NRP1: variants seen among roughly 807,000 people sequenced by gnomAD.
NRP1 encodes the protein neuropilin 1.
In NRP1, 35 loss-of-function variants were observed where a neutral mutation model predicts 106.7. That is an observed-to-expected ratio of 0.33 (90% CI 0.25 to 0.43). The LOEUF (loss-of-function observed/expected upper bound fraction) is 0.43. Ranked by LOEUF, NRP1 falls within the 20% of genes least tolerant of loss-of-function variation. The pLI, the probability that NRP1 is intolerant of heterozygous loss-of-function variation, is 1.00. For synonymous variants in NRP1, 437 were observed against 417.9 expected (o/e 1.05, Z -0.56); for missense variants, 1,024 against 1,170.4 (o/e 0.87, Z 1.83).
At chr10:33,185,815 TAAATTA>T in intron 14 of NRP1, 91 bp from the exon 15 acceptor site, 1 of 1,108,792 alleles carries the variant, frequency 9.0e-7, no homozygotes, top group East Asian at 2.5e-5. Flanking sequence ...CTACGGCACA[TAAATTA>T]AATTCATCAG....
chr10:33,284,079 T>C (rs773863935), intron 2 of NRP1, among the ~76,000 whole-genome samples: 2 of 152,080 alleles, frequency 1.3e-5, no homozygotes, highest in Admixed American at 6.5e-5. Flanking sequence ...CTTAACACAA[T>C]AGAAGCTAGA....
chr10:33,256,682 C>A (rs1228765484), intron 4 of NRP1, among the ~76,000 whole-genome samples: 1 of 152,198 alleles, frequency 6.6e-6, no homozygotes, highest in Non-Finnish European at 1.5e-5. Flanking sequence ...CAGTAACAGG[C>A]ATAACCGCAT....
At position 33,330,877 on chromosome 10, in the gene NRP1, A is replaced by G; in HGVS notation, c.79T>C (p.Cys27Arg). Residue 27 changes from cysteine to arginine, a missense_variant, in exon 2 of 17, where the codon TGT becomes CGT. Cys to Arg is a radical substitution (Grantham distance 180). Transcript: ENST00000374867. ...APAGAFRNDKCGDTIKIESPG... is the reference protein window; with the variant it reads ...APAGAFRNDKRGDTIKIESPG... Reference sequence around the variant, plus strand: ...CTTTCAATTTTTATAGTATCGCCACATTTATCTGCAATGAAAGTAAGATTT... The same window carrying G: ...CTTTCAATTTTTATAGTATCGCCACGTTTATCTGCAATGAAAGTAAGATTT... 6.3e-7 allele frequency: 1 copy of G among 1,599,150 alleles called. No individual in the cohort carries two copies. Among genetic ancestry groups the G allele is most frequent in the South Asian group, 1.1e-5 (1 of 89,574 alleles).
At chr10:33,241,186 G>A (rs1288687799) in intron 6 of NRP1, among the ~76,000 whole-genome samples, 3 of 152,162 alleles carry the variant, frequency 2.0e-5, no homozygotes, top group Non-Finnish European at 4.4e-5. Flanking sequence ...AAATGAAAAT[G>A]AGGAAGGAAA....
At chr10:33,235,033 G>A (rs1030431275) in intron 6 of NRP1, among the ~76,000 whole-genome samples, 3 of 152,224 alleles carry the variant, frequency 2.0e-5, no homozygotes, top group Non-Finnish European at 2.9e-5. Context: ...CAGATGAAAG[G>A]AGATAGTGCT....
chr10:33,249,131 G>A (rs149238511), intron 6 of NRP1, among the ~76,000 whole-genome samples: 1 of 115,668 alleles, frequency 8.6e-6, no homozygotes, highest in Non-Finnish European at 1.7e-5. Flanking sequence ...TTTAATCAGA[G>A]AAAAGTCACA....
rs7071689 is a variant in NRP1 at position 33,206,045 on chromosome 10, T to A, written c.1759+1527A>T. ...CTTGGAGGTTAGAAGCAAGATGGAG[T>A]CAGTTAGGTCAGATCTCTTTCACTG... On this transcript the variant is annotated intron_variant, in intron 10 of 16. Coordinates refer to ENST00000374867, the MANE Select transcript of NRP1 (RefSeq NM_003873.7). The A allele has an allele frequency of 9.1e-3, 3,153 of 345,472 alleles. 85 individuals carry two copies. The highest frequency in any genetic ancestry group is 0.063 in the African/African-American group (2,943 of 46,850). 21.4% of individuals were successfully genotyped at this position (345,472 alleles called of 1,614,324 possible). A position where few individuals can be genotyped will look rare whatever the true frequency, so the allele number is the denominator to read the frequency against.
intron 6 of NRP1, among the ~76,000 whole-genome samples, chr10:33,250,835 G>C (rs529363316): frequency 1.3e-5 from 2 of 152,156 alleles, no homozygotes; most frequent in African/African-American, 2.4e-5. Flanking sequence ...GATTAGTGTC[G>C]TATGAGTAGG....
At position 33,266,706 on chromosome 10, in the gene NRP1, G is replaced by T. The variant is rs186787662; in HGVS notation, c.431-2833C>A. On this transcript the variant is annotated intron_variant, in intron 3 of 16. Coordinates refer to ENST00000374867, the MANE Select transcript of NRP1 (RefSeq NM_003873.7). ...TGTAATCCCCAATGGTGGAGGTGGG[G>T]TCTGGTGGGAGGTGATTGAATCATG... Among the ~76,000 whole-genome samples the T allele has an allele frequency of 3.1e-3, 466 of 152,316 alleles. 2 individuals carry two copies. The highest frequency in any genetic ancestry group is 0.011 in the African/African-American group (437 of 41,562).
intron 2 of NRP1, among the ~76,000 whole-genome samples, chr10:33,315,097 G>C (rs1049268470): frequency 1.3e-5 from 2 of 152,208 alleles, no homozygotes; most frequent in Non-Finnish European, 2.9e-5. Context: ...CAATCAGGAC[G>C]TATGCCTACA....
intron 6 of NRP1, among the ~76,000 whole-genome samples, chr10:33,227,225 A>C (rs1024032444): frequency 3.9e-5 from 6 of 152,230 alleles, no homozygotes; most frequent in Non-Finnish European, 8.8e-5. Flanking sequence ...GCAAAGACAG[A>C]ATCAAGACAA....
chr10:33,187,256 T>C (rs938451417), intron 13 of NRP1, among the ~76,000 whole-genome samples: 2 of 152,234 alleles, frequency 1.3e-5, no homozygotes, highest in African/African-American at 4.8e-5. Context: ...CATTGAGATG[T>C]ATTTTTATTT....
intron 2 of NRP1, among the ~76,000 whole-genome samples, chr10:33,282,257 G>T (rs1258961089): frequency 6.6e-6 from 1 of 152,008 alleles, no homozygotes; most frequent in Admixed American, 6.5e-5. Context: ...CCCCTTAATT[G>T]GTATGGTGGA....
At chr10:33,273,575 C>G (rs1843466110) in intron 2 of NRP1, among the ~76,000 whole-genome samples, 1 of 152,194 alleles carries the variant, frequency 6.6e-6, no homozygotes, top group Non-Finnish European at 1.5e-5. Flanking sequence ...TGCTCTGTTA[C>G]TGTTGCCAGT....
chr10:33,323,579 G>A (rs1241032072), intron 2 of NRP1, among the ~76,000 whole-genome samples: 3 of 151,972 alleles, frequency 2.0e-5, no homozygotes, highest in African/African-American at 4.8e-5. Flanking sequence ...CCAGATACAG[G>A]CCAATCAACC....
chr10:33,238,228 T>A (rs1384687381), intron 6 of NRP1, among the ~76,000 whole-genome samples: 1 of 152,240 alleles, frequency 6.6e-6, no homozygotes, highest in Non-Finnish European at 1.5e-5. Flanking sequence ...GCAGCTCCTA[T>A]CCTCTGTGGA....
At chr10:33,212,442 G>A (rs1016979427) in intron 9 of NRP1, 4 of 152,174 alleles carry the variant, frequency 2.6e-5, no homozygotes, top group South Asian at 4.1e-4. Context: ...GACAAATACA[G>A]TATGAGGTCC....
At position 33,334,545 on chromosome 10, in the gene NRP1, A is replaced by T; in HGVS notation, c.-163T>A. 1.7e-6 allele frequency: 1 copy of T among 579,320 alleles called. No individual in the cohort carries two copies. Among genetic ancestry groups the T allele is most frequent in the East Asian group, 3.3e-5 (1 of 30,134 alleles). 35.9% of individuals were successfully genotyped at this position (579,320 alleles called of 1,614,324 possible). A position where few individuals can be genotyped will look rare whatever the true frequency, so the allele number is the denominator to read the frequency against. On this transcript the variant is annotated 5_prime_UTR_variant, in exon 1 of 17. Transcript: ENST00000374867. ...AAGAAAGCAGCGAGGCAATGCCTGG[A>T]TCCGAGAGGAACGCTTCTCTTTTTG...
chr10:33,233,749 A>G (rs1840342066), intron 6 of NRP1, among the ~76,000 whole-genome samples: 1 of 152,208 alleles, frequency 6.6e-6, no homozygotes, highest in Non-Finnish European at 1.5e-5. Context: ...TAAAAACAGG[A>G]AAATATTTTT....
Sources: gnomAD v4.1 joint callset for allele counts (sites outside exome capture counted in the v4.1 genomes callset) on GRCh38, gnomAD v4.1.1 for gene constraint, MANE v1.5 for transcripts, NCBI Gene and HGNC (gene_info 2026-07-23, HGNC 2026-07-21) for gene names.